Variants in USP10 observed in about 807,000 individuals in gnomAD.
USP10 encodes the protein ubiquitin carboxyl-terminal hydrolase 10.
In USP10, 22 loss-of-function variants were observed where a neutral mutation model predicts 84.5. That is an observed-to-expected ratio of 0.26 (90% CI 0.19 to 0.37). USP10 has a LOEUF of 0.37. Ranked by LOEUF, USP10 falls within the 10% of genes least tolerant of loss-of-function variation. USP10 has a pLI of 1.00. For synonymous variants in USP10, 454 were observed against 387.6 expected (o/e 1.17, Z -2.01); for missense variants, 1,019 against 998.9 (o/e 1.02, Z -0.27).
intron 1 of USP10, chr16:84,708,867 C>T (rs1001664254): frequency 6.6e-6 from 1 of 152,110 alleles, no homozygotes; most frequent in African/African-American, 2.4e-5. Flanking sequence ...TGTGATTGTT[C>T]ACAGATTTTG....
At chr16:84,706,901 GAGA>G in intron 1 of USP10, among the ~76,000 whole-genome samples, 1 of 146,098 alleles carries the variant, frequency 6.8e-6, no homozygotes. Flanking sequence ...CTGATCATTG[GAGA>G]AGGAGAAACA....
chr16:84,740,489 T>G (rs940787130), intron 3 of USP10, 120 bp downstream of exon 3: 2 of 784,242 alleles, frequency 2.6e-6, no homozygotes, highest in Non-Finnish European at 4.2e-6. Context: ...TTGAAGTTTT[T>G]GCTGTAAACT....
chr16:84,714,933 T>A (rs1279024503), intron 1 of USP10, among the ~76,000 whole-genome samples: 4 of 142,616 alleles, frequency 2.8e-5, no homozygotes, highest in African/African-American at 7.9e-5. Flanking sequence ...ATTATTATTA[T>A]TATTTTTTTT....
At chr16:84,732,277 G>A (rs147019822) in intron 1 of USP10, among the ~76,000 whole-genome samples, 206 of 152,252 alleles carry the variant, frequency 1.4e-3, no homozygotes, top group Admixed American at 2.5e-3. Context: ...CTACTAGACT[G>A]TTTAGTTCCA....
intron 3 of USP10, 24 bp downstream of exon 3, chr16:84,740,393 C>T (rs769936956): frequency 8.7e-6 from 14 of 1,606,114 alleles, no homozygotes; most frequent in Non-Finnish European, 1.2e-5. Context: ...CTCCTTATTT[C>T]CCTGAAGGGA....
chr16:84,731,037 T>C (rs544004343), intron 1 of USP10, among the ~76,000 whole-genome samples: 1 of 143,668 alleles, frequency 7.0e-6, no homozygotes, highest in Admixed American at 7.6e-5. Context: ...TGGAGTGCAG[T>C]GGCTCATTCT....
intron 1 of USP10, among the ~76,000 whole-genome samples, chr16:84,714,426 C>G (rs1906730183): frequency 1.3e-5 from 2 of 152,194 alleles, no homozygotes; most frequent in African/African-American, 4.8e-5. Flanking sequence ...TTAGGCCATC[C>G]TCCCTCTTTA....
chr16:84,735,434 AG>A (rs1344672995), intron 2 of USP10, among the ~76,000 whole-genome samples: 1 of 152,124 alleles, frequency 6.6e-6, no homozygotes, highest in African/African-American at 2.4e-5. Context: ...TCAAGTCTGA[AG>A]GCCTGGGGTC....
intron 2 of USP10, among the ~76,000 whole-genome samples, chr16:84,736,700 G>A (rs537711871): frequency 8.5e-5 from 13 of 152,302 alleles, no homozygotes; most frequent in African/African-American, 3.1e-4. Context: ...ATAAGCCCCC[G>A]ATGACATAGT....
chr16:84,764,905 C>T (rs139417614), intron 10 of USP10, among the ~76,000 whole-genome samples: 5 of 131,682 alleles, frequency 3.8e-5, no homozygotes, highest in African/African-American at 1.4e-4. Flanking sequence ...TAAGATAGGT[C>T]ATAAACAATA....
intron 10 of USP10, among the ~76,000 whole-genome samples, chr16:84,764,668 T>TA (rs1175885685): frequency 6.6e-6 from 1 of 151,922 alleles, no homozygotes; most frequent in African/African-American, 2.4e-5. Context: ...CCGTCTCTAC[T>TA]AAAAATACAA....
Position 84,760,863 on chromosome 16 carries a change from T to A in USP10, c.1554+588T>A, listed in dbSNP as rs542940457. ...ACTGGAGCATTTCTTTCCTCCCAGA[T>A]TGAGTTTGTGATGAATCAGTACAAG... On this transcript the variant is annotated intron_variant, in intron 8 of 13. Coordinates refer to ENST00000219473, the MANE Select transcript of USP10 (RefSeq NM_005153.3). 2.0e-5 allele frequency among the ~76,000 whole-genome samples: 3 copies of A among 152,268 alleles called. 1 individual carries two copies. In the South Asian group the frequency reaches 6.2e-4, roughly 32 times the overall value.
At chr16:84,731,248 G>A (rs1567608749) in intron 1 of USP10, among the ~76,000 whole-genome samples, 1 of 151,242 alleles carries the variant, frequency 6.6e-6, no homozygotes, top group Non-Finnish European at 1.5e-5. Flanking sequence ...CAGAGTGCTG[G>A]GATTACAGGT....
chr16:84,730,744 C>G (rs146609779), intron 1 of USP10, among the ~76,000 whole-genome samples: 205 of 152,246 alleles, frequency 1.3e-3, no homozygotes, highest in African/African-American at 4.6e-3. Context: ...GCTCTAAAAA[C>G]TTTAGGCTGT....
Position 84,724,906 on chromosome 16 carries a change from C to T in USP10, c.22-8529C>T, listed in dbSNP as rs150822395. Among the ~76,000 whole-genome samples the T allele has an allele frequency of 3.9e-3, 594 of 152,306 alleles. 8 individuals are homozygous for T. The highest frequency in any genetic ancestry group is 0.014 in the African/African-American group (563 of 41,572). On this transcript the variant is annotated intron_variant, in intron 1 of 13. Transcript: ENST00000219473. ...ACACCACCTTCTGAAGTTGAAAGCA[C>T]ACAATGATTGTTCAGTAGATATCAG... is the stretch of plus-strand genomic sequence containing the variant.
intron 2 of USP10, among the ~76,000 whole-genome samples, chr16:84,739,375 G>A (rs1336894336): frequency 2.6e-5 from 4 of 151,844 alleles, no homozygotes; most frequent in Non-Finnish European, 4.4e-5. Context: ...AGGTTCAAAC[G>A]ATTCTCCTGC....
At chr16:84,733,030 C>G in intron 1 of USP10, 1 of 445,928 alleles carries the variant, frequency 2.2e-6, no homozygotes, top group Non-Finnish European at 4.4e-6. Flanking sequence ...CCCATTTGAA[C>G]CACGTTTTCT....
chr16:84,764,120 G>C lies in USP10; in HGVS notation c.1689G>C (p.Ser563=). 3 of 1,612,744 alleles carry C rather than the reference G, an allele frequency of 1.9e-6. No individual in the cohort carries two copies. Among genetic ancestry groups the C allele is most frequent in the South Asian group, 2.2e-5 (2 of 90,798 alleles). Residue 563 remains serine, a synonymous_variant, in exon 10 of 14, where the codon TCG becomes TCC. Coordinates refer to ENST00000219473, the MANE Select transcript of USP10 (RefSeq NM_005153.3). The part of the protein sequence containing the change: ...LTISNGPKNH[S]VNEEEQEEQG... Reference sequence around the variant, plus strand: ...TTTCCAACGGCCCCAAAAACCACTCGGTCAATGAAGAAGAGCAGGAAGAAC... The same window carrying C: ...TTTCCAACGGCCCCAAAAACCACTCCGTCAATGAAGAAGAGCAGGAAGAAC...
At chr16:84,736,610 A>G (rs571716214) in intron 2 of USP10, among the ~76,000 whole-genome samples, 2 of 152,346 alleles carry the variant, frequency 1.3e-5, no homozygotes, top group Admixed American at 1.3e-4. Context: ...GTTCAGAAAG[A>G]AAGAGAAAAT....
Sources: gnomAD v4.1 joint callset for allele counts (sites outside exome capture counted in the v4.1 genomes callset) on GRCh38, gnomAD v4.1.1 for gene constraint, MANE v1.5 for transcripts, NCBI Gene and HGNC (gene_info 2026-07-23, HGNC 2026-07-21) for gene names.